RB1: variants seen among roughly 807,000 people sequenced by gnomAD.
RB1 encodes the protein RB transcriptional corepressor 1, also known as retinoblastoma-associated protein.
In RB1, 18 loss-of-function variants were observed where a neutral mutation model predicts 135.4. The ratio of observed to expected loss-of-function variants is 0.13; its 90% CI spans 0.09 to 0.20. RB1 has a LOEUF of 0.20. RB1 is among the 10% of genes least tolerant of loss of function. The pLI is 1.00. For synonymous variants in RB1, 365 were observed against 373.2 expected, an observed-to-expected ratio of 0.98 and a Z score of 0.25; for missense variants, 868 against 1,110.0, an observed-to-expected ratio of 0.78 and a Z score of 3.10.
At chr13:48,336,070 AAC>A (rs537058695) in intron 2 of RB1, among the ~76,000 whole-genome samples, 19 of 152,090 alleles carry the variant, frequency 1.2e-4, no homozygotes, top group Non-Finnish European at 2.4e-4. Flanking sequence ...GAAAAATTGC[AAC>A]AGTGTCAGAT....
At chr13:48,387,731 TTC>T (rs1183953950) in intron 17 of RB1, among the ~76,000 whole-genome samples, 1 of 152,186 alleles carries the variant, frequency 6.6e-6, no homozygotes, top group Non-Finnish European at 1.5e-5. Flanking sequence ...TTTTTTAAAT[TTC>T]TGTTTTAATT....
At position 48,319,338 on chromosome 13, in the gene RB1, G is replaced by A; in HGVS notation, c.264+11932G>A. 1.9e-6 allele frequency: 1 copy of A among 530,810 alleles called. No individual in the cohort carries two copies. The highest frequency in any genetic ancestry group is 3.4e-6 in the Non-Finnish European group (1 of 297,768). The allele number at this position is 530,810 out of a possible 1,614,324, so 32.9% of individuals were successfully genotyped here. On this transcript the variant is annotated intron_variant, in intron 2 of 26. Coordinates refer to ENST00000267163, the MANE Select transcript of RB1 (RefSeq NM_000321.3). The surrounding 1 kb of genome is among the most constrained non-coding windows in gnomAD (Gnocchi z 5.0). Reference sequence around the variant, plus strand: ...GGCCCTCTGGGGCAGGTCCCCGTTGGCCTCCTTGCGTGTTTGCCGCAGCTA... The same window carrying A: ...GGCCCTCTGGGGCAGGTCCCCGTTGACCTCCTTGCGTGTTTGCCGCAGCTA...
intron 2 of RB1, among the ~76,000 whole-genome samples, chr13:48,315,486 C>G (rs576308713): frequency 6.6e-6 from 1 of 152,260 alleles, no homozygotes; most frequent in Non-Finnish European, 1.5e-5. Flanking sequence ...GTTTGACTTC[C>G]TTTTTTCTTA....
At chr13:48,362,543 G>A (rs1952653088) in intron 7 of RB1, among the ~76,000 whole-genome samples, 1 of 151,948 alleles carries the variant, frequency 6.6e-6, no homozygotes, top group South Asian at 2.1e-4. Context: ...TTTGAAAGTT[G>A]GCTATTTCCA....
rs765277265 is a variant in RB1 at position 48,345,098 on chromosome 13, C to T, written c.399C>T (p.Asn133=). 51 of 1,611,592 alleles carry T rather than the reference C, an allele frequency of 3.2e-5. 1 individual carries two copies. Among genetic ancestry groups the T allele is most frequent in the Non-Finnish European group, 4.2e-5 (50 of 1,178,808 alleles). The part of the protein sequence containing the change: ...NIEISVHKFF[N]LLKEIDTSTK... ...TTTGTAGTGTCCATAAATTCTTTAA[C>T]TTACTAAAAGAAATTGATACCAGTA... Residue 133 remains asparagine (N), a synonymous_variant, in exon 4 of 27, where the codon AAC becomes AAT. Transcript: ENST00000267163.
intron 2 of RB1, chr13:48,341,381 A>T (rs1316961899): frequency 6.6e-6 from 1 of 151,806 alleles, no homozygotes; most frequent in Admixed American, 6.6e-5. Context: ...TGAAGCTGCT[A>T]TGAACATTCA....
At chr13:48,411,692 A>C (rs1445203174) in intron 17 of RB1, 10 of 1,609,172 alleles carry the variant, frequency 6.2e-6, no homozygotes, top group Non-Finnish European at 8.5e-6. Flanking sequence ...TGATATTGTA[A>C]GGAACAAAAC....
Position 48,319,562 on chromosome 13 carries a change from G to C in RB1, c.264+12156G>C. 3.8e-6 allele frequency: 1 copy of C among 259,752 alleles called. No individual in the cohort carries two copies. Among genetic ancestry groups the C allele is most frequent in the Non-Finnish European group, 7.6e-6 (1 of 131,030 alleles). The allele number at this position is 259,752 out of a possible 1,614,324, so 16.1% of individuals were successfully genotyped here. ...TGCCCTTGTTCTCCTGCTTGGTCGT[G>C]ACCCTGGACTTGAGGCTTCTGGGCT... is the stretch of plus-strand genomic sequence containing the variant. On this transcript the variant is annotated intron_variant, in intron 2 of 26. Coordinates refer to ENST00000267163, the MANE Select transcript of RB1 (RefSeq NM_000321.3). The surrounding 1 kb of genome is among the most constrained non-coding windows in gnomAD (Gnocchi z 5.0).
At position 48,303,903 on chromosome 13, in the gene RB1, GA is replaced by G; in HGVS notation, c.-7del. The G allele has an allele frequency of 6.6e-7, 1 of 1,515,128 alleles. No individual in the cohort carries two copies. The highest frequency in any genetic ancestry group is 8.8e-7 in the Non-Finnish European group (1 of 1,138,780). The allele number at this position is 1,515,128 out of a possible 1,614,324, so 93.9% of individuals were successfully genotyped here. A position where few individuals can be genotyped will look rare whatever the true frequency, so the allele number is the denominator to read the frequency against. On this transcript the variant is annotated 5_prime_UTR_variant, in exon 1 of 27. Coordinates refer to ENST00000267163, the MANE Select transcript of RB1 (RefSeq NM_000321.3). The stretch of plus-strand genomic sequence containing the variant: ...CCACAGCTCGCTGGCTCCCGCCGCG[GA>G]AAGGCGTCATGCCGCCCAAAACCCC...
At chr13:48,350,295 A>G (rs1316267812) in intron 6 of RB1, among the ~76,000 whole-genome samples, 1 of 152,168 alleles carries the variant, frequency 6.6e-6, no homozygotes, top group Non-Finnish European at 1.5e-5. Flanking sequence ...GGCTTAAAAC[A>G]TTAAAAAAGC....
chr13:48,465,972 G>A (rs1399755280), intron 23 of RB1, among the ~76,000 whole-genome samples: 3 of 144,656 alleles, frequency 2.1e-5, no homozygotes, highest in African/African-American at 5.0e-5. Flanking sequence ...GCGGCAGCGA[G>A]GCTGGGGGAG....
At chr13:48,398,030 G>A (rs541458212) in intron 17 of RB1, among the ~76,000 whole-genome samples, 18 of 152,254 alleles carry the variant, frequency 1.2e-4, no homozygotes, top group African/African-American at 4.1e-4. Context: ...GTAAGATAAC[G>A]ATTAAGCCAC....
At chr13:48,399,410 T>C (rs1948673655) in intron 17 of RB1, among the ~76,000 whole-genome samples, 1 of 151,948 alleles carries the variant, frequency 6.6e-6, no homozygotes, top group African/African-American at 2.4e-5. Flanking sequence ...AATTTTAAGA[T>C]AGATAAGCAG....
At position 48,396,359 on chromosome 13, in the gene RB1, T is replaced by G. The variant is rs991001716; in HGVS notation, c.1695+14916T>G. ...ATAATGCCACACATCTACAACCATC[T>G]GATTTTTGACAAACTTGACAAAAAC... On this transcript the variant is annotated intron_variant, in intron 17 of 26. Coordinates refer to ENST00000267163, the MANE Select transcript of RB1 (RefSeq NM_000321.3). Among the ~76,000 whole-genome samples the G allele has an allele frequency of 2.6e-5, 4 of 152,194 alleles. No homozygotes were observed. In the East Asian group the frequency reaches 5.8e-4, roughly 22 times the overall value.
chr13:48,417,325 A>C (rs1324326582), intron 17 of RB1: 1 of 152,516 alleles, frequency 6.6e-6, no homozygotes, highest in African/African-American at 2.4e-5. Flanking sequence ...GCAGACCTGC[A>C]GCAGAGGGGC....
chr13:48,339,777 TGTAGACTGGAGCTTTTCC>T (rs1295501079), intron 2 of RB1, among the ~76,000 whole-genome samples: 1 of 152,202 alleles, frequency 6.6e-6, no homozygotes, highest in Non-Finnish European at 1.5e-5. Context: ...CACTGGGAGC[TGTAGACTGGAGCTTTTCC>T]TATTCGGCCA....
At chr13:48,318,582 C>T in intron 2 of RB1, 1 of 641,640 alleles carries the variant, frequency 1.6e-6, no homozygotes, top group Non-Finnish European at 2.7e-6. Context: ...GGGCAGGTCC[C>T]GCCCCTCATG....
chr13:48,461,427 G>A (rs12870028), intron 20 of RB1, among the ~76,000 whole-genome samples: 1 of 151,988 alleles, frequency 6.6e-6, no homozygotes, highest in Non-Finnish European at 1.5e-5. Context: ...ATAAACATTT[G>A]GGTTGTTTCC....
rs1173892082 is a variant in RB1, at chr13:48,456,326, C to G, written c.1937C>G (p.Ser646Cys). 4 of 1,614,206 alleles carry G rather than the reference C, an allele frequency of 2.5e-6. No homozygotes were observed. Among genetic ancestry groups the G allele is most frequent in the South Asian group, 1.1e-5 (1 of 91,084 alleles). Residue 646 changes from serine (S) to cysteine (C), a missense_variant, in exon 19 of 27, where the codon TCT becomes TGT. Around this residue, in one of 3 missense-constraint regions of RB1, gnomAD observed 641 missense variants for 791.3 expected, o/e 0.81. Coordinates refer to ENST00000267163, the MANE Select transcript of RB1 (RefSeq NM_000321.3). ...ACCCAGAAGCCATTGAAATCTACCT[C>G]TCTTTCACTGTTTTATAAAAAAGGT... The part of the protein sequence containing the change: ...FQTQKPLKST[S>C]LSLFYKKVYR...
Sources: gnomAD v4.1 joint callset for allele counts (sites outside exome capture counted in the v4.1 genomes callset) on GRCh38, gnomAD v4.1.1 for gene constraint, gnomAD v4.1.1 regional missense constraint, Gnocchi (gnomAD v3.1) non-coding constraint, MANE v1.5 for transcripts, NCBI Gene and HGNC (gene_info 2026-07-23, HGNC 2026-07-21) for gene names.